The following ZNF296 variants were observed in gnomAD, a reference collection of about 807,000 sequenced individuals.
ZNF296 encodes the protein zinc finger protein 296.
ZNF296 carries 1 observed loss-of-function variant against 13.2 expected under a neutral mutation model. The ratio of observed to expected loss-of-function variants is 0.08; its 90% confidence interval spans 0.03 to 0.36. The LOEUF (loss-of-function observed/expected upper bound fraction) is 0.36. Among genes scored for constraint, ZNF296 ranks in the 10% least tolerant of loss-of-function variants. ZNF296 has a pLI of 0.99. For synonymous variants in ZNF296, 303 were observed against 289.0 expected (o/e 1.05, Z -0.49); for missense variants, 555 against 688.2 (o/e 0.81, Z 2.16).
Position 45,076,446 on chromosome 19 carries a change from A to T in ZNF296, c.-73T>A. The T allele has an allele frequency of 9.0e-7, 1 of 1,115,510 alleles. No homozygotes were observed. Among genetic ancestry groups the T allele is most frequent in the Non-Finnish European group, 1.1e-6 (1 of 887,414 alleles). The allele number at this position is 1,115,510 out of a possible 1,614,324, so 69.1% of individuals were successfully genotyped here. A position where few individuals can be genotyped will look rare whatever the true frequency, so the allele number is the denominator to read the frequency against. Reference sequence around the variant, plus strand: ...CGGGCGGAGGACGCACGAGCGGAGGACGCGCGGACCGTGCGCGCTCAGGTG... The same window carrying T: ...CGGGCGGAGGACGCACGAGCGGAGGTCGCGCGGACCGTGCGCGCTCAGGTG... On this transcript the variant is annotated 5_prime_UTR_variant, in exon 1 of 3. Coordinates refer to ENST00000303809, the MANE Select transcript of ZNF296 (RefSeq NM_145288.3). This position sits in a 1 kb window ranked among gnomAD's most constrained non-coding sequence, Gnocchi z 4.9.
Position 45,076,242 on chromosome 19 carries a change from C to T in ZNF296, c.132G>A (p.Gln44=). The stretch of plus-strand genomic sequence containing the variant: ...GGGAGAAGGGCCCCAGCCTTGGGGC[C>T]TGTTGGGGCTGCGCGTCTGGCTCGG... ...LKPEPDAQPQ[Q]APRLGPFSPK... is the part of the protein sequence containing the mutation. The change falls in exon 1 of 3, where the codon CAG becomes CAA. Residue 44 remains glutamine (Q), a synonymous_variant. Coordinates refer to ENST00000303809, the MANE Select transcript of ZNF296 (RefSeq NM_145288.3). This position sits in a 1 kb window ranked among gnomAD's most constrained non-coding sequence, Gnocchi z 4.9. The T allele has an allele frequency of 6.6e-7, 1 of 1,504,944 alleles. No homozygotes were observed. The allele number at this position is 1,504,944 out of a possible 1,614,324, so 93.2% of individuals were successfully genotyped here.
chr19:45,076,250 G>T lies in ZNF296; in HGVS notation c.124C>A (p.Pro42Thr), dbSNP rs1461990647. The part of the protein sequence containing the change: ...IELKPEPDAQ[P>T]QQAPRLGPFS... ...GGCCCCAGCCTTGGGGCCTGTTGGGGCTGCGCGTCTGGCTCGGGCTTGAGT... is the reference window on the plus strand; with the variant it reads ...GGCCCCAGCCTTGGGGCCTGTTGGGTCTGCGCGTCTGGCTCGGGCTTGAGT... The change falls in exon 1 of 3, where the codon CCC becomes ACC. Residue 42 changes from proline (P) to threonine (T), a missense_variant. By Grantham distance (38) the Pro-to-Thr change is conservative. Around this residue, in one of 3 missense-constraint regions of ZNF296, gnomAD observed 137 missense variants for 121.9 expected, o/e 1.12. Coordinates refer to ENST00000303809, the MANE Select transcript of ZNF296 (RefSeq NM_145288.3). This position sits in a 1 kb window ranked among gnomAD's most constrained non-coding sequence, Gnocchi z 4.9. The T allele has an allele frequency of 6.6e-7, 1 of 1,505,510 alleles. No homozygotes were observed. The highest frequency in any genetic ancestry group is 8.8e-7 in the Non-Finnish European group (1 of 1,132,140). The allele number at this position is 1,505,510 out of a possible 1,614,324, so 93.3% of individuals were successfully genotyped here. A position where few individuals can be genotyped will look rare whatever the true frequency, so the allele number is the denominator to read the frequency against.
At chr19:45,073,313 C>G (rs1292238923) in intron 2 of ZNF296, among the ~76,000 whole-genome samples, 1 of 148,650 alleles carries the variant, frequency 6.7e-6, no homozygotes, top group Non-Finnish European at 1.5e-5. Flanking sequence ...TTTTTTTTTG[C>G]TTTAAATTTT....
Position 45,075,701 on chromosome 19 carries a change from G to T in ZNF296, c.448+12C>A, listed in dbSNP as rs376870961. The T allele has an allele frequency of 2.5e-6, 4 of 1,612,974 alleles. No homozygotes were observed. Among genetic ancestry groups the T allele is most frequent in the Non-Finnish European group, 2.5e-6 (3 of 1,179,292 alleles). On this transcript the variant is annotated intron_variant, in intron 2 of 2. Coordinates refer to ENST00000303809, the MANE Select transcript of ZNF296 (RefSeq NM_145288.3). ...CGAACTTGAGAGGGGGACTGCACCC[G>T]GCTTTACTCACCTGAGCCCTGGCCG...
In ZNF296 at chr19:45,076,308, G is replaced by C; in HGVS notation, c.66C>G (p.Asp22Glu). The C allele has an allele frequency of 7.0e-7, 1 of 1,433,114 alleles. No individual in the cohort carries two copies. Among genetic ancestry groups the C allele is most frequent in the Non-Finnish European group, 9.2e-7 (1 of 1,091,200 alleles). The allele number at this position is 1,433,114 out of a possible 1,614,324, so 88.8% of individuals were successfully genotyped here. The change falls in exon 1 of 3, where the codon GAC becomes GAG. Residue 22 changes from aspartate to glutamate, a missense_variant. Transcript: ENST00000303809. This position sits in a 1 kb window ranked among gnomAD's most constrained non-coding sequence, Gnocchi z 4.9. Reference sequence around the variant, plus strand: ...CGAGGTCCTGCATTTCCATCTCGTCGTCTGGGTTGGCGGCGGGCGCGGGCT... The same window carrying C: ...CGAGGTCCTGCATTTCCATCTCGTCCTCTGGGTTGGCGGCGGGCGCGGGCT... ...RVEPAPAANP[D>E]DEMEMQDLVI...
intron 2 of ZNF296, 123 bp downstream of exon 2, chr19:45,075,590 G>GC: frequency 9.0e-7 from 1 of 1,111,330 alleles, no homozygotes; most frequent in Non-Finnish European, 1.2e-6. Flanking sequence ...CGCCTAGGCT[G>GC]CACCCGATGG....
Position 45,076,256 on chromosome 19 carries a change from C to G in ZNF296, c.118G>C (p.Ala40Pro). 6.7e-7 allele frequency: 1 copy of G among 1,499,992 alleles called. No homozygotes were observed. The highest frequency in any genetic ancestry group is 1.5e-5 in the African/African-American group (1 of 68,618). The allele number at this position is 1,499,992 out of a possible 1,614,324, so 92.9% of individuals were successfully genotyped here. The part of the protein sequence containing the change: ...LVIELKPEPD[A>P]QPQQAPRLGP... ...AGCCTTGGGGCCTGTTGGGGCTGCGCGTCTGGCTCGGGCTTGAGTTCGATG... is the reference window on the plus strand; with the variant it reads ...AGCCTTGGGGCCTGTTGGGGCTGCGGGTCTGGCTCGGGCTTGAGTTCGATG... Residue 40 changes from alanine to proline, a missense_variant, in exon 1 of 3, where the codon GCG becomes CCG. This residue lies in a region of ZNF296 where 137 missense variants were observed against 121.9 expected (regional missense o/e 1.12). Transcript: ENST00000303809. This position sits in a 1 kb window ranked among gnomAD's most constrained non-coding sequence, Gnocchi z 4.9.
At chr19:45,074,387 G>A (rs1042975651) in intron 2 of ZNF296, among the ~76,000 whole-genome samples, 2 of 152,172 alleles carry the variant, frequency 1.3e-5, no homozygotes, top group Non-Finnish European at 2.9e-5. Flanking sequence ...TACAGAGAAA[G>A]CTTAGCGGCC....
chr19:45,075,994 C>A, intron 1 of ZNF296, 82 bp downstream of exon 1: 2 of 1,567,120 alleles, frequency 1.3e-6, no homozygotes, highest in Non-Finnish European at 1.7e-6. Context: ...TAAGGCAGGG[C>A]GAGGGGCCCA....
In ZNF296 at chr19:45,074,951, A is replaced by G. The variant is rs570623448; in HGVS notation, c.448+762T>C. 2.7e-4 allele frequency among the ~76,000 whole-genome samples: 41 copies of G among 152,276 alleles called. No individual in the cohort carries two copies. The South Asian group carries it at 3.5e-3, about 13-fold the overall frequency. On this transcript the variant is annotated intron_variant, in intron 2 of 2. Transcript: ENST00000303809. ...CAAGCCCCTCCTCTTTCCCACCACC[A>G]GACCCTCCCTGGCCCAACCCTAAAT...
At chr19:45,073,717 G>A (rs181764859) in intron 2 of ZNF296, among the ~76,000 whole-genome samples, 16 of 151,420 alleles carry the variant, frequency 1.1e-4, no homozygotes, top group Admixed American at 9.2e-4. Flanking sequence ...GGGAGCAGAG[G>A]CTTTTGAATA....
At chr19:45,072,775 AT>A (rs200064240) in intron 2 of ZNF296, among the ~76,000 whole-genome samples, 195 bp from the exon 3 acceptor site, 1 of 60,832 alleles carries the variant, frequency 1.6e-5, no homozygotes, top group Non-Finnish European at 4.4e-5. Context: ...ACCTGAAAAC[AT>A]TTTTTTTTAG....
intron 1 of ZNF296, 99 bp from the exon 2 acceptor site, chr19:45,075,961 G>A: frequency 6.3e-7 from 1 of 1,581,496 alleles, no homozygotes; most frequent in South Asian, 1.1e-5. Flanking sequence ...GGGGGCCTGA[G>A]GGGCAGGACG....
In ZNF296 at chr19:45,072,035, C is replaced by T; in HGVS notation, c.994G>A (p.Gly332Ser). 6.2e-7 allele frequency: 1 copy of T among 1,613,084 alleles called. No homozygotes were observed. The highest frequency in any genetic ancestry group is 8.5e-7 in the Non-Finnish European group (1 of 1,180,000). ...GEGAGAAATA[G>S]VQEPGAPGSG... ...CCAGGAGCCCCGGGTTCCTGGACACCTGCTGTGGCGGCGGCTCCAGCCCCC... is the reference window on the plus strand; with the variant it reads ...CCAGGAGCCCCGGGTTCCTGGACACTTGCTGTGGCGGCGGCTCCAGCCCCC... The change falls in exon 3 of 3, where the codon GGT (glycine) becomes AGT (serine). Residue 332 changes from glycine (G) to serine (S), a missense_variant. Transcript: ENST00000303809.
chr19:45,072,899 T>G (rs1237411591), intron 2 of ZNF296, among the ~76,000 whole-genome samples: 1 of 152,142 alleles, frequency 6.6e-6, no homozygotes, highest in Non-Finnish European at 1.5e-5. Flanking sequence ...GTAGCTGGGA[T>G]TACAGGCGCC....
intron 2 of ZNF296, among the ~76,000 whole-genome samples, chr19:45,075,354 C>T (rs1967325342): frequency 6.6e-6 from 1 of 152,228 alleles, no homozygotes. Context: ...CCTAGAGGTC[C>T]CCTCCTACTG....
rs150184901 is a variant in ZNF296, at chr19:45,073,879, G to A, written c.449-1299C>T. Among the ~76,000 whole-genome samples the A allele has an allele frequency of 8.1e-3, 1,233 of 151,446 alleles. 24 individuals are homozygous for A. The highest frequency in any genetic ancestry group is 0.027 in the African/African-American group (1,129 of 41,292). On this transcript the variant is annotated intron_variant, in intron 2 of 2. Coordinates refer to ENST00000303809, the MANE Select transcript of ZNF296 (RefSeq NM_145288.3). ...TCTCTAGTAAAAATAAAAAATAGCC[G>A]GGTGTGGTGGTGCGCGCCTGTAATC... is the stretch of plus-strand genomic sequence containing the variant.
chr19:45,073,997 G>A (rs1967300736), intron 2 of ZNF296, among the ~76,000 whole-genome samples: 1 of 151,606 alleles, frequency 6.6e-6, no homozygotes, highest in Non-Finnish European at 1.5e-5. Context: ...ACTCCAGCCT[G>A]GGTGACAAAA....
intron 2 of ZNF296, among the ~76,000 whole-genome samples, chr19:45,073,840 A>G (rs1967297307): frequency 1.3e-5 from 2 of 151,492 alleles, no homozygotes; most frequent in Non-Finnish European, 2.9e-5. Flanking sequence ...CCTGGCCAAC[A>G]TGATGAAACC....
Sources: allele counts gnomAD v4.1 joint callset (sites outside exome capture counted in the v4.1 genomes callset), GRCh38; gene constraint gnomAD v4.1.1; regional missense constraint gnomAD v4.1.1; non-coding constraint Gnocchi (gnomAD v3.1); transcripts MANE v1.5; gene names NCBI Gene and HGNC (gene_info 2026-07-23, HGNC 2026-07-21).